The following GPSM2 variants were observed in gnomAD, a reference collection of about 807,000 sequenced individuals.
The protein encoded by GPSM2 is G protein-signaling modulator 2.
In GPSM2, 58 loss-of-function variants were observed where a neutral mutation model predicts 78.4. That is an observed-to-expected ratio of 0.74 (90% CI 0.60 to 0.92). The LOEUF (loss-of-function observed/expected upper bound fraction) is 0.92, where lower values mean the gene tolerates loss of function less well. Among genes scored for constraint, GPSM2 ranks in the 40% least tolerant of loss-of-function variants. The pLI, the probability that GPSM2 is intolerant of heterozygous loss-of-function variation, is 0.00. For synonymous variants in GPSM2, 224 were observed against 280.2 expected (o/e 0.80, Z 2.00); for missense variants, 700 against 815.5 (o/e 0.86, Z 1.73).
intron 10 of GPSM2, 93 bp from the exon 11 acceptor site, chr1:108,914,245 G>T: frequency 1.2e-6 from 1 of 815,124 alleles, no homozygotes; most frequent in Non-Finnish European, 2.1e-6. Context: ...ATGGGTTTGT[G>T]TATCAGATTT....
chr1:108,897,012 G>T lies in GPSM2; in HGVS notation c.205G>T (p.Gly69Cys). The change falls in exon 3 of 15, where the codon GGC becomes TGC. Residue 69 changes from glycine (G) to cysteine (C), a missense_variant. Transcript: ENST00000264126. The part of the protein sequence containing the change: ...KTLSAIYSQL[G>C]NAYFYLHDYA... ...ACTTAGCGCTATTTACAGCCAGTTGGGCAATGCTTATTTCTATTTGCATGA... is the reference window on the plus strand; with the variant it reads ...ACTTAGCGCTATTTACAGCCAGTTGTGCAATGCTTATTTCTATTTGCATGA... The T allele has an allele frequency of 6.2e-7, 1 of 1,613,878 alleles. No individual in the cohort carries two copies. Among genetic ancestry groups the T allele is most frequent in the African/African-American group, 1.3e-5 (1 of 75,026 alleles).
At position 108,929,985 on chromosome 1, in the gene GPSM2, CA is replaced by C; in HGVS notation, c.*47del. 6.5e-7 allele frequency: 1 copy of C among 1,541,782 alleles called. No homozygotes were observed. Among genetic ancestry groups the C allele is most frequent in the Non-Finnish European group, 8.9e-7 (1 of 1,119,402 alleles). On this transcript the variant is annotated 3_prime_UTR_variant, in exon 15 of 15. Coordinates refer to ENST00000264126, the MANE Select transcript of GPSM2 (RefSeq NM_013296.5). Reference sequence around the variant, plus strand: ...TTTCCTTTCAAACACGGTAAGGAAACAATCTATTACTTTTTTCCTTAAAAGG... The same window carrying C: ...TTTCCTTTCAAACACGGTAAGGAAACATCTATTACTTTTTTCCTTAAAAGG...
intron 11 of GPSM2, 132 bp downstream of exon 11, chr1:108,914,540 A>AATT: frequency 1.5e-6 from 1 of 671,914 alleles, no homozygotes; most frequent in South Asian, 1.9e-5. Context: ...CTGTAAAAAA[A>AATT]AAGTCAGAAA....
rs566983434 is a variant in GPSM2 at position 108,934,495 on chromosome 1, C to T, written c.*4555C>T. The T allele has an allele frequency of 4.4e-5, 29 of 660,412 alleles. No homozygotes were observed. In the South Asian group the frequency reaches 5.6e-4, roughly 13 times the overall value. The allele number at this position is 660,412 out of a possible 1,614,324, so 40.9% of individuals were successfully genotyped here. ...AAATGAAAAGCTTTTACATATATAACGTGTTTGTTAATTCTAATTGTCAGT... is the reference window on the plus strand; with the variant it reads ...AAATGAAAAGCTTTTACATATATAATGTGTTTGTTAATTCTAATTGTCAGT... On this transcript the variant is annotated 3_prime_UTR_variant, in exon 15 of 15. Coordinates refer to ENST00000264126, the MANE Select transcript of GPSM2 (RefSeq NM_013296.5).
intron 2 of GPSM2, among the ~76,000 whole-genome samples, chr1:108,894,756 A>C (rs961911079): frequency 5.3e-5 from 8 of 152,090 alleles, no homozygotes; most frequent in African/African-American, 1.7e-4. Context: ...GAATTCTTAA[A>C]AAAAAAAAAG....
At chr1:108,898,152 T>G in intron 5 of GPSM2, 51 bp downstream of exon 5, 1 of 1,557,056 alleles carries the variant, frequency 6.4e-7, no homozygotes, top group South Asian at 1.1e-5. Context: ...AAGCCGTGGA[T>G]CTGCTGTACG....
chr1:108,908,363 T>A (rs1193136502), intron 10 of GPSM2, among the ~76,000 whole-genome samples: 1 of 139,798 alleles, frequency 7.2e-6, no homozygotes, highest in Non-Finnish European at 1.5e-5. Context: ...AGAGCGAGAC[T>A]CTGTCTCAAA....
chr1:108,920,290 G>A (rs952900455), intron 12 of GPSM2, among the ~76,000 whole-genome samples: 4 of 151,988 alleles, frequency 2.6e-5, no homozygotes, highest in Admixed American at 6.6e-5. Context: ...CCAACATAGC[G>A]AAACCCCGTA....
intron 10 of GPSM2, among the ~76,000 whole-genome samples, chr1:108,910,944 C>A (rs1323351851): frequency 6.6e-6 from 1 of 151,590 alleles, no homozygotes; most frequent in African/African-American, 2.4e-5. Context: ...AAGAGAAAAT[C>A]ACCCAAATAT....
intron 2 of GPSM2, 76 bp from the exon 3 acceptor site, chr1:108,896,788 A>G (rs545129382): frequency 3.4e-5 from 38 of 1,115,830 alleles, no homozygotes; most frequent in Non-Finnish European, 4.8e-5. Context: ...CGCTTAAATT[A>G]TATTACGGGA....
chr1:108,877,873 A>AT (rs1665710080), intron 1 of GPSM2: 3 of 152,268 alleles, frequency 2.0e-5, no homozygotes, highest in African/African-American at 7.2e-5. Context: ...AATAGTAACC[A>AT]GTTAGAGCAT....
chr1:108,918,895 A>C, intron 12 of GPSM2, 106 bp downstream of exon 12: 2 of 745,258 alleles, frequency 2.7e-6, no homozygotes, highest in Non-Finnish European at 4.7e-6. Flanking sequence ...ATTTAATATA[A>C]AATATCTTTG....
At chr1:108,928,030 A>G (rs979720598) in intron 14 of GPSM2, among the ~76,000 whole-genome samples, 4 of 152,228 alleles carry the variant, frequency 2.6e-5, no homozygotes, top group African/African-American at 9.6e-5. Context: ...ATAAAACCAA[A>G]AGAGTGAGCA....
intron 14 of GPSM2, among the ~76,000 whole-genome samples, chr1:108,927,698 G>T (rs1431227234): frequency 1.3e-5 from 2 of 152,176 alleles, no homozygotes; most frequent in Non-Finnish European, 2.9e-5. Context: ...AGGAGCATGT[G>T]GTGGCTTATA....
At chr1:108,890,890 T>G (rs532214991) in intron 2 of GPSM2, among the ~76,000 whole-genome samples, 1 of 152,220 alleles carries the variant, frequency 6.6e-6, no homozygotes, top group East Asian at 1.9e-4. Flanking sequence ...TAAAAAAAAA[T>G]TATATGGTTG....
At chr1:108,909,884 A>G (rs1254881260) in intron 10 of GPSM2, 2 of 144,548 alleles carry the variant, frequency 1.4e-5, no homozygotes, top group South Asian at 4.6e-4. Context: ...GCCTGGCGAC[A>G]GAGCAAGACG....
chr1:108,909,987 AAAAC>A (rs1463705460), intron 10 of GPSM2: 1 of 151,770 alleles, frequency 6.6e-6, no homozygotes, highest in African/African-American at 2.4e-5. Context: ...CAAACAAAAA[AAAAC>A]ACTGAAAGAA....
At position 108,922,573 on chromosome 1, in the gene GPSM2, A is replaced by C. The variant is rs1650796522; in HGVS notation, c.1597A>C (p.Lys533Gln). 1.2e-6 allele frequency: 2 copies of C among 1,611,044 alleles called. No homozygotes were observed. Among genetic ancestry groups the C allele is most frequent in the Non-Finnish European group, 1.7e-6 (2 of 1,177,312 alleles). ...TTCCACTCCCCCTAAAATGATGCTA[A>C]AAAGTAAGTCATCTCTGTTTCTCCC... is the stretch of plus-strand genomic sequence containing the variant. ...TSSTPPKMML[K>Q]TSSVPVVSPN... The change falls in exon 13 of 15, where the codon AAA (lysine) becomes CAA (glutamine). Residue 533 changes from lysine (K) to glutamine (Q), a missense_variant. Lys to Gln is a moderately conservative substitution (Grantham distance 53). Transcript: ENST00000264126.
chr1:108,899,792 A>G (rs1003010713), intron 7 of GPSM2, among the ~76,000 whole-genome samples: 5 of 152,222 alleles, frequency 3.3e-5, no homozygotes, highest in African/African-American at 1.2e-4. Context: ...AATATGAGAC[A>G]GTTCTGGATA....
Sources: gnomAD v4.1 joint callset for allele counts (sites outside exome capture counted in the v4.1 genomes callset) on GRCh38, gnomAD v4.1.1 for gene constraint, MANE v1.5 for transcripts, NCBI Gene and HGNC (gene_info 2026-07-23, HGNC 2026-07-21) for gene names.